The following WDR87 variants were observed in gnomAD, a reference collection of about 807,000 sequenced individuals.
The protein encoded by WDR87 is WD repeat domain 87, also known as WD repeat-containing protein 87.
In WDR87, 56 loss-of-function variants were observed where a neutral mutation model predicts 83.3. The ratio of observed to expected loss-of-function variants is 0.67; its 90% confidence interval spans 0.54 to 0.84. The LOEUF is 0.84. Among genes scored for constraint, WDR87 ranks in the 40% least tolerant of loss-of-function variants. The pLI, the probability that WDR87 is intolerant of heterozygous loss-of-function variation, is 0.00. For synonymous variants in WDR87, 1,173 were observed against 1,250.6 expected, an observed-to-expected ratio of 0.94 and a Z score of 1.31; for missense variants, 2,939 against 3,431.9, an observed-to-expected ratio of 0.86 and a Z score of 3.59.
rs902861725 is a variant in WDR87 at position 37,888,145 on chromosome 19, C to T, written c.5526G>A (p.Glu1842=). 2.6e-6 allele frequency: 4 copies of T among 1,551,890 alleles called. No homozygotes were observed. In the African/African-American group the frequency reaches 5.5e-5, roughly 21 times the overall value. Reference sequence around the variant, plus strand: ...GTTTCATCTTCTTCTCAATCAATTGCTCCCTTTTCCGTCCCAGTCTTTCCT... The same window carrying T: ...GTTTCATCTTCTTCTCAATCAATTGTTCCCTTTTCCGTCCCAGTCTTTCCT... The part of the protein sequence containing the change: ...EEEERLGRKR[E]QLIEKKMKLA... The change falls in exon 6 of 6, where the codon GAG becomes GAA. Residue 1842 remains glutamate, a synonymous_variant. Coordinates refer to ENST00000447313, the MANE Select transcript of WDR87 (RefSeq NM_001291088.2).
At position 37,885,738 on chromosome 19, in the gene WDR87, T is replaced by C. The variant is rs756107216; in HGVS notation, c.7933A>G (p.Lys2645Glu). 1.2e-5 allele frequency: 18 copies of C among 1,551,588 alleles called. No homozygotes were observed. The highest frequency in any genetic ancestry group is 8.3e-5 in the South Asian group (7 of 84,060). Reference sequence around the variant, plus strand: ...GGCCAGCTCTCCTTTTCCTTTGCTTTTATAGGAGGAATCACTTTCAGGTAT... The same window carrying C: ...GGCCAGCTCTCCTTTTCCTTTGCTTCTATAGGAGGAATCACTTTCAGGTAT... ...PKYLKVIPPI[K>E]AKEKESWPKP... Residue 2645 changes from lysine (K) to glutamate (E), a missense_variant, in exon 6 of 6, where the codon AAA (lysine) becomes GAA (glutamate). By Grantham distance (56) the Lys-to-Glu change is moderately conservative. Transcript: ENST00000447313.
In WDR87 at chr19:37,888,904, C is replaced by G. The variant is rs574228166; in HGVS notation, c.4767G>C (p.Val1589=). Residue 1589 remains valine (V), a synonymous_variant, in exon 6 of 6, where the codon GTG becomes GTC. Coordinates refer to ENST00000447313, the MANE Select transcript of WDR87 (RefSeq NM_001291088.2). ...GTTCTTTTTCTTCCCCCTCCCGAGA[C>G]ACTTCTTCCTCCAAAGTCACTTCTT... ...DEEEVTLEEE[V]SREGEEKEQQ... is the part of the protein sequence containing the mutation. 1 of 1,552,138 alleles carries G rather than the reference C, an allele frequency of 6.4e-7. No homozygotes were observed. Among genetic ancestry groups the G allele is most frequent in the South Asian group, 1.2e-5 (1 of 84,058 alleles).
At position 37,906,518 on chromosome 19, in the gene WDR87, A is replaced by G. The variant is rs1422886382; in HGVS notation, c.-66T>C. On this transcript the variant is annotated 5_prime_UTR_variant, in exon 1 of 6. Coordinates refer to ENST00000447313, the MANE Select transcript of WDR87 (RefSeq NM_001291088.2). ...TGTTACCTGCGACAGGATTCCCGAC[A>G]AGGGACGGGTACGGCGTGTGCACTC... The G allele has an allele frequency of 6.6e-6, 1 of 152,100 alleles. No individual in the cohort carries two copies. The highest frequency in any genetic ancestry group is 6.5e-5 in the Admixed American group (1 of 15,276). 9.4% of individuals were successfully genotyped at this position (152,100 alleles called of 1,614,324 possible). A position where few individuals can be genotyped will look rare whatever the true frequency, so the allele number is the denominator to read the frequency against.
At position 37,885,368 on chromosome 19, in the gene WDR87, A is replaced by C; in HGVS notation, c.8303T>G (p.Phe2768Cys). The C allele has an allele frequency of 6.4e-7, 1 of 1,551,798 alleles. No homozygotes were observed. The highest frequency in any genetic ancestry group is 2.0e-5 in the Admixed American group (1 of 51,002). ...CCGCAAAACATGGTACAGTGCCACA[A>C]ATGTCTCCCACAAAGGCAACTCTTC... ...KKEELPLWET[F>C]VALYHVLRML... is the part of the protein sequence containing the mutation. Residue 2768 changes from phenylalanine to cysteine, a missense_variant, in exon 6 of 6, where the codon TTT (phenylalanine) becomes TGT (cysteine). Physicochemically the swap from Phe to Cys is radical, Grantham distance 205 (BLOSUM62 -2). Coordinates refer to ENST00000447313, the MANE Select transcript of WDR87 (RefSeq NM_001291088.2).
chr19:37,892,026 G>A (rs1286506008), intron 4 of WDR87, among the ~76,000 whole-genome samples: 1 of 152,164 alleles, frequency 6.6e-6, no homozygotes, highest in Non-Finnish European at 1.5e-5. Flanking sequence ...ATTGGAGGCT[G>A]TAGAAGCAGG....
In WDR87 at chr19:37,906,238, T is replaced by C. The variant is rs556298143; in HGVS notation, c.-47+261A>G. 2.0e-5 allele frequency among the ~76,000 whole-genome samples: 3 copies of C among 152,322 alleles called. No individual in the cohort carries two copies. In the East Asian group the frequency reaches 5.8e-4, roughly 29 times the overall value. ...TGCTTGGTTATGTCACCAGGTGGAT[T>C]AAATTTGGACAAAATTTCCCAAGGT... On this transcript the variant is annotated intron_variant, in intron 1 of 5. Transcript: ENST00000447313.
intron 1 of WDR87, among the ~76,000 whole-genome samples, chr19:37,903,316 A>G (rs907439266): frequency 6.6e-6 from 1 of 152,084 alleles, no homozygotes; most frequent in African/African-American, 2.4e-5. Context: ...TGGGAGTGCT[A>G]CTCTGGCCTT....
At position 37,886,699 on chromosome 19, in the gene WDR87, C is replaced by T. The variant is rs950930109; in HGVS notation, c.6972G>A (p.Glu2324=). The T allele has an allele frequency of 4.1e-6, 6 of 1,452,844 alleles. No individual in the cohort carries two copies. The Admixed American group carries it at 6.4e-5, about 15-fold the overall frequency. 90.0% of individuals were successfully genotyped at this position (1,452,844 alleles called of 1,614,324 possible). A position where few individuals can be genotyped will look rare whatever the true frequency, so the allele number is the denominator to read the frequency against. Residue 2324 remains glutamate, a synonymous_variant, in exon 6 of 6, where the codon GAG becomes GAA. Transcript: ENST00000447313. The part of the protein sequence containing the change: ...GEEKQVEKEE[E]EKKKKKKEKK... ...TTTCCTTTTTCTTCTTCTTCTTCTC[C>T]TCCTCTTCTTTCTCCACTTGCTTCT...
At chr19:37,896,001 G>C in intron 3 of WDR87, 137 bp downstream of exon 3, 1 of 1,195,412 alleles carries the variant, frequency 8.4e-7, no homozygotes, top group East Asian at 2.6e-5. Context: ...TATAATTGGA[G>C]AAAGGATGAG....
At chr19:37,905,599 G>A (rs2145449617) in intron 1 of WDR87, among the ~76,000 whole-genome samples, 1 of 148,996 alleles carries the variant, frequency 6.7e-6, no homozygotes, top group South Asian at 2.1e-4. Flanking sequence ...GTTCTGCTTT[G>A]TCGCCCAAGC....
rs748184112 is a variant in WDR87 at position 37,887,788 on chromosome 19, A to G, written c.5883T>C (p.Ser1961=). Reference sequence around the variant, plus strand: ...CCAATTTCTCCTGTTTTTTGGCCAAACTATCCTCTACTTGGACCAATTTTT... The same window carrying G: ...CCAATTTCTCCTGTTTTTTGGCCAAGCTATCCTCTACTTGGACCAATTTTT... The part of the protein sequence containing the change: ...TEKKLVQVED[S]LAKKQEKLAQ... Residue 1961 remains serine, a synonymous_variant, in exon 6 of 6, where the codon AGT becomes AGC. Coordinates refer to ENST00000447313, the MANE Select transcript of WDR87 (RefSeq NM_001291088.2). 6.4e-7 allele frequency: 1 copy of G among 1,551,484 alleles called. No homozygotes were observed. The highest frequency in any genetic ancestry group is 1.4e-5 in the African/African-American group (1 of 72,922).
rs2046215400 is a variant in WDR87 at position 37,892,618 on chromosome 19, A to G, written c.3085T>C (p.Leu1029=). 1 of 1,524,366 alleles carries G rather than the reference A, an allele frequency of 6.6e-7. No homozygotes were observed. Among genetic ancestry groups the G allele is most frequent in the Admixed American group, 2.1e-5 (1 of 48,248 alleles). The allele number at this position is 1,524,366 out of a possible 1,614,324, so 94.4% of individuals were successfully genotyped here. A position where few individuals can be genotyped will look rare whatever the true frequency, so the allele number is the denominator to read the frequency against. Residue 1029 remains leucine, a synonymous_variant, in exon 4 of 6, where the codon TTA becomes CTA. Coordinates refer to ENST00000447313, the MANE Select transcript of WDR87 (RefSeq NM_001291088.2). ...EIGIHSRTSL[L]QLTQKQETFR... is the part of the protein sequence containing the mutation. ...GTCTCTTGTTTTTGGGTCAGCTGTA[A>G]GAGTGAGGTCCTAGAGTGGATTCCA... is the stretch of plus-strand genomic sequence containing the variant.
intron 1 of WDR87, among the ~76,000 whole-genome samples, chr19:37,899,950 A>G (rs1228500387): frequency 6.6e-6 from 1 of 152,172 alleles, no homozygotes. Flanking sequence ...TGTGAAAAAC[A>G]CTGGTTTAGA....
chr19:37,896,097 C>T (rs1027977118), intron 3 of WDR87, 41 bp downstream of exon 3: 9 of 1,550,380 alleles, frequency 5.8e-6, no homozygotes, highest in Non-Finnish European at 7.9e-6. Context: ...GGGCATGGCT[C>T]TTGGAGAATG....
Position 37,884,990 on chromosome 19 carries a change from G to C in WDR87, c.8681C>G (p.Pro2894Arg), listed in dbSNP as rs909902140. 3.6e-6 allele frequency: 5 copies of C among 1,400,236 alleles called. No homozygotes were observed. The highest frequency in any genetic ancestry group is 4.7e-6 in the Non-Finnish European group (5 of 1,073,472). The allele number at this position is 1,400,236 out of a possible 1,614,324, so 86.7% of individuals were successfully genotyped here. The change falls in exon 6 of 6, where the codon CCT becomes CGT. Residue 2894 changes from proline (P) to arginine (R), a missense_variant. This residue lies in a region of WDR87 where 2,160 missense variants were observed against 2,533.1 expected (regional missense o/e 0.85). Coordinates refer to ENST00000447313, the MANE Select transcript of WDR87 (RefSeq NM_001291088.2). ...CTTGGTGAGATGAAGATCAGCTTCA[G>C]GCAGGCTCTTCCAGGCAAGTTCTAA... Reference protein sequence around the residue: ...GILELAWKSLPEADLHLTKAL... With the variant: ...GILELAWKSLREADLHLTKAL...
Position 37,887,244 on chromosome 19 carries a change from G to A in WDR87, c.6427C>T (p.Leu2143Phe). 1 of 1,551,762 alleles carries A rather than the reference G, an allele frequency of 6.4e-7. No homozygotes were observed. The highest frequency in any genetic ancestry group is 1.2e-5 in the South Asian group (1 of 83,988). ...CTCAACCTGCGCTCCTTAACAAAGA[G>A]TGCCCTCTTCATCTTTGTCATTTTT... is the stretch of plus-strand genomic sequence containing the variant. ...EIKMTKMKRALFVKERRLSIE... is the reference protein window; with the variant it reads ...EIKMTKMKRAFFVKERRLSIE... The change falls in exon 6 of 6, where the codon CTC becomes TTC. Residue 2143 changes from leucine (L) to phenylalanine (F), a missense_variant. Leu to Phe is a conservative substitution (Grantham distance 22). Around this residue, in one of 3 missense-constraint regions of WDR87, gnomAD observed 2,160 missense variants for 2,533.1 expected, o/e 0.85. Coordinates refer to ENST00000447313, the MANE Select transcript of WDR87 (RefSeq NM_001291088.2).
intron 1 of WDR87, among the ~76,000 whole-genome samples, chr19:37,904,746 C>T (rs929714281): frequency 6.6e-6 from 1 of 152,164 alleles, no homozygotes; most frequent in Non-Finnish European, 1.5e-5. Flanking sequence ...CATATTAATA[C>T]ATATAACTCA....
chr19:37,891,123 G>C (rs965376675), intron 5 of WDR87, among the ~76,000 whole-genome samples: 1 of 150,372 alleles, frequency 6.7e-6, no homozygotes, highest in African/African-American at 2.4e-5. Context: ...TCTTTTCTAT[G>C]ATGAGATCTT....
chr19:37,898,428 T>A lies in WDR87; in HGVS notation c.-46-143A>T, dbSNP rs1040829366. The A allele has an allele frequency of 9.4e-5, 103 of 1,101,584 alleles. No individual in the cohort carries two copies. The South Asian group carries it at 1.7e-3, about 18-fold the overall frequency. 68.2% of individuals were successfully genotyped at this position (1,101,584 alleles called of 1,614,324 possible). On this transcript the variant is annotated intron_variant, in intron 1 of 5. Transcript: ENST00000447313. ...GCACAAGACATACCTTCTCATTTCA[T>A]CCACTCTACAGCCCAGTAAGGTAGG...
Sources: allele counts gnomAD v4.1 joint callset (sites outside exome capture counted in the v4.1 genomes callset), GRCh38; gene constraint gnomAD v4.1.1; regional missense constraint gnomAD v4.1.1; transcripts MANE v1.5; gene names NCBI Gene and HGNC (gene_info 2026-07-23, HGNC 2026-07-21).